The following NFATC1 variants were observed in gnomAD, a reference collection of about 807,000 sequenced individuals.
The protein encoded by NFATC1 is nuclear factor of activated T cells 1, also known as nuclear factor of activated T-cells, cytoplasmic 1.
A neutral mutation model predicts 76.0 loss-of-function variants in NFATC1; 22 were observed. The observed-to-expected ratio is 0.29, with a 90% CI of 0.21 to 0.41. NFATC1 has a LOEUF of 0.41. Among genes scored for constraint, NFATC1 ranks in the 10% least tolerant of loss-of-function variants. The pLI is 1.00. For synonymous variants in NFATC1, 704 were observed against 613.1 expected (o/e 1.15, Z -2.19); for missense variants, 1,357 against 1,337.7 (o/e 1.01, Z -0.23).
At chr18:79,497,183 C>T (rs2089910103) in intron 9 of NFATC1, 1 of 152,248 alleles carries the variant, frequency 6.6e-6, no homozygotes, top group South Asian at 2.1e-4. Context: ...AGAAGCAGGC[C>T]TTCTAAACTG....
intron 4 of NFATC1, 98 bp from the exon 5 acceptor site, chr18:79,450,856 G>T (rs757810741): frequency 1.4e-6 from 2 of 1,460,184 alleles, no homozygotes; most frequent in South Asian, 2.7e-5. Context: ...GCACGAGCTC[G>T]TGGGGCTGGG....
At chr18:79,510,814 TC>T (rs2090225878) in intron 9 of NFATC1, among the ~76,000 whole-genome samples, 1 of 13,088 alleles carries the variant, frequency 7.6e-5, no homozygotes, top group East Asian at 6.2e-4. Flanking sequence ...TCCACGGGGC[TC>T]CTCTGCCGGG....
chr18:79,507,054 C>T (rs553200186), intron 9 of NFATC1, among the ~76,000 whole-genome samples: 1 of 152,210 alleles, frequency 6.6e-6, no homozygotes, highest in South Asian at 2.1e-4. Flanking sequence ...CACCCCAGAG[C>T]TGTGGCTGGG....
At chr18:79,418,644 T>C (rs1349529538) in intron 2 of NFATC1, among the ~76,000 whole-genome samples, 1 of 152,240 alleles carries the variant, frequency 6.6e-6, no homozygotes, top group Non-Finnish European at 1.5e-5. Context: ...GGTGAGGGGC[T>C]CAGAGTTGAG....
At chr18:79,494,011 C>T (rs1013221067) in intron 9 of NFATC1, among the ~76,000 whole-genome samples, 40 of 152,198 alleles carry the variant, frequency 2.6e-4, no homozygotes, top group African/African-American at 9.2e-4. Flanking sequence ...CCCGGAGCTG[C>T]TTCCTCAGGG....
Position 79,486,797 on chromosome 18 carries a change from C to T in NFATC1, c.2642C>T (p.Thr881Met), listed in dbSNP as rs201643124. The T allele has an allele frequency of 4.4e-4, 704 of 1,610,576 alleles. 3 individuals carry two copies. Among genetic ancestry groups the T allele is most frequent in the Middle Eastern group, 1.2e-3 (7 of 6,056 alleles). ...ATGRPQHLPSTVRRDESPTAG... is the reference protein window; with the variant it reads ...ATGRPQHLPSMVRRDESPTAG... ...GGCCGCCCGCAGCACCTGCCGTCCACGGTCCGCAGGGACGAGTCTCCGACT... is the reference window on the plus strand; with the variant it reads ...GGCCGCCCGCAGCACCTGCCGTCCATGGTCCGCAGGGACGAGTCTCCGACT... Residue 881 changes from threonine to methionine, a missense_variant, in exon 9 of 10, where the codon ACG becomes ATG. Physicochemically the swap from Thr to Met is moderately conservative, Grantham distance 81. Around this residue, in one of 3 missense-constraint regions of NFATC1, gnomAD observed 424 missense variants for 395.4 expected, o/e 1.07. Transcript: ENST00000427363.
chr18:79,437,499 C>T (rs541563531), intron 3 of NFATC1, among the ~76,000 whole-genome samples: 12 of 152,198 alleles, frequency 7.9e-5, no homozygotes, highest in Non-Finnish European at 1.3e-4. Flanking sequence ...GCCGGGACCT[C>T]GCCAGGCCGC....
At position 79,411,387 on chromosome 18, in the gene NFATC1, A is replaced by G. The variant is rs1568927412; in HGVS notation, c.1112A>G (p.Tyr371Cys). 6.3e-7 allele frequency: 1 copy of G among 1,578,766 alleles called. No homozygotes were observed. The highest frequency in any genetic ancestry group is 1.8e-5 in the Admixed American group (1 of 55,404). Reference sequence around the variant, plus strand: ...CCGGCCGACTTCGCGCCCGAAGACTACTCCTCTTTCCAGCACATCAGGAAG... The same window carrying G: ...CCGGCCGACTTCGCGCCCGAAGACTGCTCCTCTTTCCAGCACATCAGGAAG... ...PPPADFAPED[Y>C]SSFQHIRKGG... is the part of the protein sequence containing the mutation. Residue 371 changes from tyrosine (Y) to cysteine (C), a missense_variant, in exon 2 of 10, where the codon TAC becomes TGC. This residue lies in a region of NFATC1 where 691 missense variants were observed against 613.1 expected (regional missense o/e 1.13). Transcript: ENST00000427363.
In NFATC1 at chr18:79,507,143, G is replaced by A. The variant is rs1410380513; in HGVS notation, c.2782+20206G>A. On this transcript the variant is annotated intron_variant, in intron 9 of 9. Coordinates refer to ENST00000427363, the MANE Select transcript of NFATC1 (RefSeq NM_001278669.2). Reference sequence around the variant, plus strand: ...GCGGGGAGGGGGTTATCAGCCCCTGGCCCGCGTCCCACCCCAGAGGTGAAG... The same window carrying A: ...GCGGGGAGGGGGTTATCAGCCCCTGACCCGCGTCCCACCCCAGAGGTGAAG... Among the ~76,000 whole-genome samples the A allele has an allele frequency of 2.0e-5, 3 of 152,216 alleles. No individual in the cohort carries two copies. In the East Asian group the frequency reaches 5.8e-4, roughly 29 times the overall value.
At chr18:79,464,602 GACAC>G (rs57175022) in intron 7 of NFATC1, among the ~76,000 whole-genome samples, 2 of 142,908 alleles carry the variant, frequency 1.4e-5, no homozygotes, top group South Asian at 2.2e-4. Context: ...TGTTCACGCA[GACAC>G]ACACACACAC....
chr18:79,476,732 A>G (rs1229856417), intron 8 of NFATC1, among the ~76,000 whole-genome samples: 1 of 152,212 alleles, frequency 6.6e-6, no homozygotes, highest in Non-Finnish European at 1.5e-5. Flanking sequence ...AAGTGAGATC[A>G]TGAACAAAAG....
At chr18:79,459,115 C>T (rs926616519) in intron 6 of NFATC1, among the ~76,000 whole-genome samples, 17 of 152,316 alleles carry the variant, frequency 1.1e-4, no homozygotes, top group African/African-American at 3.4e-4. Flanking sequence ...GTCGGTTCCC[C>T]GCACTTTTAG....
At chr18:79,430,393 T>A (rs1030805984) in intron 2 of NFATC1, among the ~76,000 whole-genome samples, 10 of 152,310 alleles carry the variant, frequency 6.6e-5, no homozygotes, top group African/African-American at 2.4e-4. Flanking sequence ...TTTTGGTTTG[T>A]TTGTTTTGAG....
chr18:79,520,611 GT>G (rs199918542), intron 9 of NFATC1, among the ~76,000 whole-genome samples: 14 of 112,198 alleles, frequency 1.2e-4, no homozygotes, highest in East Asian at 8.6e-4. Context: ...CTGTGTGTGT[GT>G]GGGGGGGGCA....
chr18:79,503,210 G>A (rs1458932989), intron 9 of NFATC1, among the ~76,000 whole-genome samples: 2 of 152,154 alleles, frequency 1.3e-5, no homozygotes, highest in Admixed American at 6.5e-5. Context: ...ATCCACACAC[G>A]AGACCACAGA....
intron 6 of NFATC1, chr18:79,452,062 C>T (rs1254579776): frequency 1.2e-5 from 5 of 410,038 alleles, no homozygotes; most frequent in Non-Finnish European, 2.1e-5. Context: ...GGCCACTGCA[C>T]TCACATCGCT....
In NFATC1 at chr18:79,486,334, A is replaced by G. The variant is rs759804941; in HGVS notation, c.2179A>G (p.Arg727Gly). Residue 727 changes from arginine to glycine, a missense_variant, in exon 9 of 10, where the codon AGA (arginine) becomes GGA (glycine). Around this residue, in one of 3 missense-constraint regions of NFATC1, gnomAD observed 424 missense variants for 395.4 expected, o/e 1.07. Coordinates refer to ENST00000427363, the MANE Select transcript of NFATC1 (RefSeq NM_001278669.2). ...PVSQGLSPLP[R>G]PYYSQQLAMP... ...GAGCCAGGGGTTAAGTCCTCTCCCA[A>G]GACCATACTACAGCCAGCAGCTCGC... The G allele has an allele frequency of 1.2e-6, 2 of 1,613,002 alleles. No individual in the cohort carries two copies. Among genetic ancestry groups the G allele is most frequent in the Non-Finnish European group, 1.7e-6 (2 of 1,179,994 alleles).
At chr18:79,470,435 A>G (rs1002225676) in intron 8 of NFATC1, 7 of 152,232 alleles carry the variant, frequency 4.6e-5, no homozygotes, top group African/African-American at 1.4e-4. Context: ...GAAATGCACA[A>G]GGTGACAACA....
At chr18:79,499,034 G>A (rs1374123391) in intron 9 of NFATC1, among the ~76,000 whole-genome samples, 2 of 152,182 alleles carry the variant, frequency 1.3e-5, no homozygotes, top group Admixed American at 6.5e-5. Flanking sequence ...TTCAGGCTGA[G>A]GTAAGAAGCA....
Sources: gnomAD v4.1 joint callset for allele counts (sites outside exome capture counted in the v4.1 genomes callset) on GRCh38, gnomAD v4.1.1 for gene constraint, gnomAD v4.1.1 regional missense constraint, MANE v1.5 for transcripts, NCBI Gene and HGNC (gene_info 2026-07-23, HGNC 2026-07-21) for gene names.